The following MVB12B variants were observed in gnomAD, a reference collection of about 807,000 sequenced individuals.
MVB12B encodes multivesicular body subunit 12B, also known as ESCRT-I complex subunit MVB12B.
In MVB12B, 16 loss-of-function variants were observed where a neutral mutation model predicts 41.6. The observed-to-expected ratio is 0.38, with a 90% CI of 0.26 to 0.58. The LOEUF is 0.58. Ranked by LOEUF, MVB12B falls within the 20% of genes least tolerant of loss-of-function variation. The probability of loss-of-function intolerance (pLI) is 0.62; values close to 1 mark genes in which losing one functional copy is unlikely to be tolerated. For synonymous variants in MVB12B, 133 were observed against 139.7 expected (o/e 0.95, Z 0.34); for missense variants, 274 against 380.2 (o/e 0.72, Z 2.32).
At chr9:126,457,960 G>A (rs1458323454) in intron 7 of MVB12B, among the ~76,000 whole-genome samples, 1 of 152,172 alleles carries the variant, frequency 6.6e-6, no homozygotes, top group Non-Finnish European at 1.5e-5. Flanking sequence ...GGCAAAAGAC[G>A]ATTTGGGGAC....
chr9:126,424,635 A>G (rs1204435457), intron 7 of MVB12B, among the ~76,000 whole-genome samples: 1 of 152,222 alleles, frequency 6.6e-6, no homozygotes, highest in Non-Finnish European at 1.5e-5. Context: ...AATTTGAGAC[A>G]CTGTGCATTC....
intron 2 of MVB12B, among the ~76,000 whole-genome samples, chr9:126,365,940 A>G (rs1225975601): frequency 6.6e-6 from 1 of 152,204 alleles, no homozygotes; most frequent in African/African-American, 2.4e-5. Flanking sequence ...CAGGGGTAGC[A>G]GAGATTGGAG....
At position 126,391,818 on chromosome 9, in the gene MVB12B, C is replaced by T. The variant is rs546361512; in HGVS notation, c.410-248C>T. On this transcript the variant is annotated intron_variant, in intron 4 of 9. Coordinates refer to ENST00000361171, the MANE Select transcript of MVB12B (RefSeq NM_033446.3). The surrounding 1 kb of genome is among the most constrained non-coding windows in gnomAD (Gnocchi z 4.4). ...TGTGGTTGCGGCTCTTAGAAGCCACCCAGATTTACTGCAGGGTGTGTGGTC... is the reference window on the plus strand; with the variant it reads ...TGTGGTTGCGGCTCTTAGAAGCCACTCAGATTTACTGCAGGGTGTGTGGTC... 6.6e-6 allele frequency among the ~76,000 whole-genome samples: 1 copy of T among 152,284 alleles called. No individual in the cohort carries two copies. The highest frequency in any genetic ancestry group is 1.5e-5 in the Non-Finnish European group (1 of 68,014).
At chr9:126,434,159 A>G (rs1336786538) in intron 7 of MVB12B, among the ~76,000 whole-genome samples, 1 of 152,130 alleles carries the variant, frequency 6.6e-6, no homozygotes, top group African/African-American at 2.4e-5. Flanking sequence ...CTACTGTCAC[A>G]CAGTTGGTGT....
chr9:126,484,455 T>C (rs1588206661), intron 9 of MVB12B, among the ~76,000 whole-genome samples: 1 of 152,134 alleles, frequency 6.6e-6, no homozygotes. Context: ...TAGGGGCAGG[T>C]CAGGGTACCT....
chr9:126,437,095 G>A (rs754594839), intron 7 of MVB12B, among the ~76,000 whole-genome samples: 2 of 152,158 alleles, frequency 1.3e-5, no homozygotes, highest in Non-Finnish European at 1.5e-5. Flanking sequence ...CTGAGCTGCC[G>A]TGTGGGTGGG....
intron 7 of MVB12B, among the ~76,000 whole-genome samples, chr9:126,475,915 C>T (rs1408466705): frequency 6.6e-6 from 1 of 152,184 alleles, no homozygotes; most frequent in Non-Finnish European, 1.5e-5. Flanking sequence ...TGACTATGCC[C>T]CTCCTTCTGT....
chr9:126,442,876 G>A (rs965505955), intron 7 of MVB12B, among the ~76,000 whole-genome samples: 4 of 152,224 alleles, frequency 2.6e-5, no homozygotes, highest in African/African-American at 9.6e-5. Flanking sequence ...TTACAGGGAA[G>A]TGGGAACACA....
At chr9:126,382,475 T>C (rs946270616) in intron 3 of MVB12B, among the ~76,000 whole-genome samples, 2 of 152,212 alleles carry the variant, frequency 1.3e-5, no homozygotes, top group African/African-American at 4.8e-5. Context: ...TGGAAATCTT[T>C]TCAATTCAGG....
intron 7 of MVB12B, among the ~76,000 whole-genome samples, chr9:126,456,103 C>A (rs574530704): frequency 4.6e-5 from 7 of 152,160 alleles, no homozygotes; most frequent in Middle Eastern, 3.4e-3. Flanking sequence ...TTGGACCTGG[C>A]TGGTCTCAAA....
chr9:126,489,574 AC>A (rs1191943565), intron 9 of MVB12B, among the ~76,000 whole-genome samples: 1 of 152,242 alleles, frequency 6.6e-6, no homozygotes, highest in East Asian at 1.9e-4. Context: ...AAAACCTCTC[AC>A]GATTCAGACA....
At chr9:126,381,275 A>G in intron 3 of MVB12B, 104 bp downstream of exon 3, 1 of 789,058 alleles carries the variant, frequency 1.3e-6, no homozygotes. Flanking sequence ...TTTCATTGCC[A>G]TATTAATTTA....
intron 2 of MVB12B, among the ~76,000 whole-genome samples, chr9:126,380,665 G>A (rs563631023): frequency 4.6e-5 from 7 of 152,252 alleles, no homozygotes; most frequent in African/African-American, 1.7e-4. Flanking sequence ...CACCCTCGCC[G>A]CAGGCAGCGC....
chr9:126,481,453 C>G (rs1464941122), intron 8 of MVB12B, 29 bp downstream of exon 8: 22 of 1,558,312 alleles, frequency 1.4e-5, no homozygotes, highest in Non-Finnish European at 1.9e-5. Context: ...CGCCCTTCCC[C>G]TCTGCCACCC....
intron 7 of MVB12B, among the ~76,000 whole-genome samples, chr9:126,433,757 A>G (rs1052502103): frequency 6.6e-6 from 1 of 152,168 alleles, no homozygotes; most frequent in South Asian, 2.1e-4. Context: ...TGAGTGCTCC[A>G]GAATAACCCT....
At chr9:126,499,532 C>T (rs916540411) in intron 9 of MVB12B, among the ~76,000 whole-genome samples, 2 of 152,194 alleles carry the variant, frequency 1.3e-5, no homozygotes, top group African/African-American at 4.8e-5. Context: ...TCCAAATCCA[C>T]CTTCAAAGGT....
At chr9:126,365,746 GGGAGATTT>G (rs554808467) in intron 2 of MVB12B, among the ~76,000 whole-genome samples, 102 of 152,294 alleles carry the variant, frequency 6.7e-4, no homozygotes, top group African/African-American at 2.4e-3. Context: ...TGGGTCCAAA[GGGAGATTT>G]CATCAAACTT....
chr9:126,361,760 A>G (rs1044551365), intron 2 of MVB12B, among the ~76,000 whole-genome samples: 3 of 152,124 alleles, frequency 2.0e-5, no homozygotes, highest in African/African-American at 7.2e-5. Context: ...TACAAATACA[A>G]AAAATTAGCT....
intron 6 of MVB12B, among the ~76,000 whole-genome samples, chr9:126,403,332 C>G (rs1005737946): frequency 5.3e-5 from 8 of 152,206 alleles, no homozygotes; most frequent in African/African-American, 1.9e-4. Context: ...AGCCCCTTCC[C>G]TCCTGGAAGA....
Sources: gnomAD v4.1 joint callset for allele counts (sites outside exome capture counted in the v4.1 genomes callset) on GRCh38, gnomAD v4.1.1 for gene constraint, Gnocchi (gnomAD v3.1) non-coding constraint, MANE v1.5 for transcripts, NCBI Gene and HGNC (gene_info 2026-07-23, HGNC 2026-07-21) for gene names.